The following FAT3 variants were observed in gnomAD, a reference collection of about 807,000 sequenced individuals.
FAT3 encodes FAT atypical cadherin 3.
Under a neutral mutation model 310.2 loss-of-function variants are expected in FAT3, and 95 were observed. The observed-to-expected ratio is 0.31, with a 90% CI of 0.26 to 0.36. FAT3 has a LOEUF of 0.36. FAT3 is among the 10% of genes least tolerant of loss of function. FAT3 has a pLI of 1.00. For missense variants in FAT3, 5,408 were observed against 5,715.6 expected, an observed-to-expected ratio of 0.95 and a Z score of 1.74; for synonymous variants, 2,314 against 2,192.9, an observed-to-expected ratio of 1.06 and a Z score of -1.54.
intron 2 of FAT3, among the ~76,000 whole-genome samples, chr11:92,364,500 T>C (rs2134686729): frequency 6.6e-6 from 1 of 152,388 alleles, no homozygotes; most frequent in South Asian, 2.1e-4. Flanking sequence ...CATTGAAAGA[T>C]ACTTTTATTT....
chr11:92,430,862 A>G (rs1230231406), intron 2 of FAT3, among the ~76,000 whole-genome samples: 2 of 152,138 alleles, frequency 1.3e-5, no homozygotes, highest in Admixed American at 6.5e-5. Context: ...ATGGCTGCAT[A>G]GTATTCCATG....
At chr11:92,870,309 C>T (rs1439180605) in intron 22 of FAT3, among the ~76,000 whole-genome samples, 1 of 152,146 alleles carries the variant, frequency 6.6e-6, no homozygotes, top group East Asian at 1.9e-4. Context: ...CTTGGAATGA[C>T]ACAGTCAGCA....
chr11:92,303,328 C>T (rs2134431355), intron 1 of FAT3, among the ~76,000 whole-genome samples: 1 of 152,198 alleles, frequency 6.6e-6, no homozygotes, highest in South Asian at 2.1e-4. Flanking sequence ...CATTTCCCCT[C>T]TATTGCACAT....
At chr11:92,890,463 A>G in intron 27 of FAT3, 28 bp from the exon 28 acceptor site, 1 of 1,585,858 alleles carries the variant, frequency 6.3e-7, no homozygotes, top group Non-Finnish European at 8.6e-7. Context: ...TCTAGAGGAA[A>G]TTAACTGTCA....
Position 92,355,018 on chromosome 11 carries a change from G to C in FAT3, c.2906G>C (p.Gly969Ala). Residue 969 changes from glycine (G) to alanine (A), a missense_variant, in exon 2 of 28, where the codon GGT (glycine) becomes GCT (alanine). Transcript: ENST00000525166. ...CATGATCCAGATCTTGGACTGGGGGGTCAAGTGCGCTATTCTTTGGTCAAT... is the reference window on the plus strand; with the variant it reads ...CATGATCCAGATCTTGGACTGGGGGCTCAAGTGCGCTATTCTTTGGTCAAT... ...ETHDPDLGLG[G>A]QVRYSLVNDY... 6.2e-7 allele frequency: 1 copy of C among 1,613,828 alleles called. No homozygotes were observed. Among genetic ancestry groups the C allele is most frequent in the Non-Finnish European group, 8.5e-7 (1 of 1,179,862 alleles).
chr11:92,856,194 T>C (rs879506170), intron 19 of FAT3, among the ~76,000 whole-genome samples: 4 of 152,120 alleles, frequency 2.6e-5, no homozygotes, highest in Non-Finnish European at 5.9e-5. Context: ...AAAAGGAGCA[T>C]GATCATGGGC....
chr11:92,799,121 G>C lies in FAT3; in HGVS notation c.6108G>C (p.Gln2036His), dbSNP rs1162752320. 6.2e-7 allele frequency: 1 copy of C among 1,613,978 alleles called. No homozygotes were observed. The highest frequency in any genetic ancestry group is 1.1e-5 in the South Asian group (1 of 91,074). ...TAAAATCTACCTCAGGGGTCATTCA[G>C]ACGACTGGAGTCCCCTTTGACCGTG... ...FKIKSTSGVI[Q>H]TTGVPFDREE... is the part of the protein sequence containing the mutation. Residue 2036 changes from glutamine (Q) to histidine (H), a missense_variant, in exon 10 of 28, where the codon CAG (glutamine) becomes CAC (histidine). Around this residue, in one of 5 missense-constraint regions of FAT3, gnomAD observed 4,588 missense variants for 4,809.8 expected, o/e 0.95. Coordinates refer to ENST00000525166, the MANE Select transcript of FAT3 (RefSeq NM_001367949.2).
intron 2 of FAT3, among the ~76,000 whole-genome samples, chr11:92,383,497 C>A (rs913846493): frequency 6.6e-6 from 1 of 152,188 alleles, no homozygotes; most frequent in Non-Finnish European, 1.5e-5. Context: ...TGTTTTCCCT[C>A]CCAGTTTTGA....
At chr11:92,828,098 T>C (rs1948145857) in intron 13 of FAT3, among the ~76,000 whole-genome samples, 1 of 151,926 alleles carries the variant, frequency 6.6e-6, no homozygotes, top group African/African-American at 2.4e-5. Flanking sequence ...ATTAGACCAA[T>C]TAGCAAGCAA....
At chr11:92,553,731 G>GTTTC (rs1260525970) in intron 3 of FAT3, among the ~76,000 whole-genome samples, 2 of 75,006 alleles carry the variant, frequency 2.7e-5, no homozygotes, top group Non-Finnish European at 6.3e-5. Context: ...CTTTTTCGTT[G>GTTTC]TTTCTTTCTT....
intron 3 of FAT3, among the ~76,000 whole-genome samples, chr11:92,657,219 A>G (rs190886965): frequency 6.6e-6 from 1 of 152,172 alleles, no homozygotes; most frequent in Non-Finnish European, 1.5e-5. Flanking sequence ...CTGATCCCCT[A>G]TTACTCCAAG....
intron 3 of FAT3, among the ~76,000 whole-genome samples, chr11:92,635,044 G>A (rs1035053397): frequency 1.8e-4 from 28 of 152,072 alleles, no homozygotes; most frequent in East Asian, 1.5e-3. Context: ...CCTTGATATC[G>A]GACTTCTAGC....
At position 92,891,318 on chromosome 11, in the gene FAT3, G is replaced by T. The variant is rs1949914465; in HGVS notation, c.*205G>T. On this transcript the variant is annotated 3_prime_UTR_variant, in exon 28 of 28. Transcript: ENST00000525166. The stretch of plus-strand genomic sequence containing the variant: ...AATGAAAGGCTCAGAAATTGTTTTT[G>T]AGAGGTGACTGGTAATCCTTGATGT... 1.4e-6 allele frequency: 1 copy of T among 700,908 alleles called. No individual in the cohort carries two copies. The highest frequency in any genetic ancestry group is 2.8e-5 in the East Asian group (1 of 35,210). 43.4% of individuals were successfully genotyped at this position (700,908 alleles called of 1,614,324 possible).
chr11:92,693,517 T>C (rs1053496465), intron 3 of FAT3, among the ~76,000 whole-genome samples: 1 of 152,230 alleles, frequency 6.6e-6, no homozygotes, highest in African/African-American at 2.4e-5. Context: ...TCTTATTCTC[T>C]ATTTGTTCCA....
chr11:92,411,134 TA>T (rs1178946181), intron 2 of FAT3, among the ~76,000 whole-genome samples: 33 of 110,412 alleles, frequency 3.0e-4, no homozygotes, highest in African/African-American at 4.1e-4. Flanking sequence ...ATATATTATA[TA>T]TTATATATAT....
chr11:92,744,303 C>T (rs1370192349), intron 4 of FAT3, among the ~76,000 whole-genome samples: 1 of 152,220 alleles, frequency 6.6e-6, no homozygotes, highest in African/African-American at 2.4e-5. Context: ...TGAATGTTCT[C>T]TTCCAAGAGT....
rs34789717 is a variant in FAT3, at chr11:92,380,072, CGTGTGTGTGT to C, written c.3292+24697_3292+24706del. Reference sequence around the variant, plus strand: ...CAGAATGCCATCATGCAAACTGATTCGTGTGTGTGTGTGTGTGTGTGTGTGTGTGTGTGTG... The same window carrying C: ...CAGAATGCCATCATGCAAACTGATTCGTGTGTGTGTGTGTGTGTGTGTGTG... On this transcript the variant is annotated intron_variant, in intron 2 of 27. Transcript: ENST00000525166. Among the ~76,000 whole-genome samples the C allele has an allele frequency of 3.7e-3, 544 of 145,292 alleles. 6 individuals carry two copies. Among genetic ancestry groups the C allele is most frequent in the African/African-American group, 0.013 (499 of 39,662 alleles).
chr11:92,409,738 T>C (rs1476621984), intron 2 of FAT3, among the ~76,000 whole-genome samples: 4 of 152,218 alleles, frequency 2.6e-5, no homozygotes, highest in African/African-American at 9.6e-5. Context: ...ATTTCACAGT[T>C]AGAAGCCAGC....
rs547984574 is a variant in FAT3 at position 92,466,574 on chromosome 11, T to A, written c.3293-58060T>A. The stretch of plus-strand genomic sequence containing the variant: ...GCATATCTTTTTTTTTTAAATTTTT[T>A]AATTATTTTATTTTATTATTATTAT... On this transcript the variant is annotated intron_variant, in intron 2 of 27. Coordinates refer to ENST00000525166, the MANE Select transcript of FAT3 (RefSeq NM_001367949.2). Among the ~76,000 whole-genome samples, 26 of 151,902 alleles carry A rather than the reference T, an allele frequency of 1.7e-4. No homozygotes were observed. The South Asian group carries it at 4.2e-3, about 24-fold the overall frequency.
Sources: gnomAD v4.1 joint callset for allele counts (sites outside exome capture counted in the v4.1 genomes callset) on GRCh38, gnomAD v4.1.1 for gene constraint, gnomAD v4.1.1 regional missense constraint, MANE v1.5 for transcripts, NCBI Gene and HGNC (gene_info 2026-07-23, HGNC 2026-07-21) for gene names.